The following ATRNL1 variants were observed in gnomAD, a reference collection of about 807,000 sequenced individuals.
ATRNL1 encodes attractin like 1.
ATRNL1 carries 95 observed loss-of-function variants against 182.7 expected under a neutral mutation model. That is an observed-to-expected ratio of 0.52 (90% CI 0.44 to 0.62). The LOEUF (loss-of-function observed/expected upper bound fraction) is 0.62. Ranked by LOEUF, ATRNL1 falls within the 20% of genes least tolerant of loss-of-function variation. ATRNL1 has a pLI of 0.00. For missense variants in ATRNL1, 1,471 were observed against 1,679.5 expected, an observed-to-expected ratio of 0.88 and a Z score of 2.17; for synonymous variants, 576 against 568.3, an observed-to-expected ratio of 1.01 and a Z score of -0.19.
At chr10:115,866,919 G>A (rs949277240) in intron 28 of ATRNL1, among the ~76,000 whole-genome samples, 3 of 152,180 alleles carry the variant, frequency 2.0e-5, no homozygotes, top group Non-Finnish European at 2.9e-5. Flanking sequence ...TTTACATCAT[G>A]TGTGTCACCA....
At chr10:115,843,838 A>G (rs964865787) in intron 27 of ATRNL1, among the ~76,000 whole-genome samples, 1 of 152,046 alleles carries the variant, frequency 6.6e-6, no homozygotes, top group Non-Finnish European at 1.5e-5. Flanking sequence ...CAGTCTTCCT[A>G]CCTATTACAG....
chr10:115,104,129 A>G (rs527436811), intron 1 of ATRNL1, among the ~76,000 whole-genome samples: 1 of 152,200 alleles, frequency 6.6e-6, no homozygotes, highest in East Asian at 1.9e-4. Flanking sequence ...ACTGTTCTGC[A>G]TAGTAGTTAC....
chr10:115,373,792 TC>T (rs1338281051), intron 19 of ATRNL1, among the ~76,000 whole-genome samples: 2 of 151,898 alleles, frequency 1.3e-5, no homozygotes, highest in Non-Finnish European at 2.9e-5. Flanking sequence ...TTGATTTTTT[TC>T]ATCTATGTTT....
intron 27 of ATRNL1, among the ~76,000 whole-genome samples, chr10:115,825,319 A>G (rs1280653719): frequency 2.0e-5 from 3 of 152,134 alleles, no homozygotes; most frequent in African/African-American, 7.2e-5. Context: ...ATTAGGAGAA[A>G]TACCTAAAGT....
chr10:115,769,264 G>T (rs1224759411), intron 27 of ATRNL1, among the ~76,000 whole-genome samples: 1 of 152,120 alleles, frequency 6.6e-6, no homozygotes, highest in East Asian at 1.9e-4. Flanking sequence ...TATTAATCAT[G>T]CATTGCTCCC....
chr10:115,377,357 C>T (rs1857733136), intron 19 of ATRNL1, among the ~76,000 whole-genome samples: 2 of 152,134 alleles, frequency 1.3e-5, no homozygotes, highest in Admixed American at 1.3e-4. Flanking sequence ...TGCCATTCAC[C>T]TTCCACCATG....
chr10:115,828,802 AAAT>A (rs1444905696), intron 27 of ATRNL1, among the ~76,000 whole-genome samples: 1 of 152,190 alleles, frequency 6.6e-6, no homozygotes, highest in Non-Finnish European at 1.5e-5. Context: ...GCGAGTAGTG[AAAT>A]AAGTATGCAT....
intron 8 of ATRNL1, among the ~76,000 whole-genome samples, chr10:115,189,197 CCTA>C (rs1327771843): frequency 6.6e-6 from 1 of 151,910 alleles, no homozygotes. Flanking sequence ...TGTAAACAAA[CCTA>C]CTTCACTGCC....
chr10:115,640,647 A>T (rs1859180378), intron 26 of ATRNL1, among the ~76,000 whole-genome samples: 1 of 152,028 alleles, frequency 6.6e-6, no homozygotes. Flanking sequence ...AAATTTGTTT[A>T]AGTTCCTTGT....
At chr10:115,340,133 T>C (rs1197754523) in intron 19 of ATRNL1, among the ~76,000 whole-genome samples, 2 of 152,170 alleles carry the variant, frequency 1.3e-5, no homozygotes, top group African/African-American at 4.8e-5. Context: ...ACTAGAGATA[T>C]TGGCCTGTAG....
At chr10:115,721,996 A>T (rs947787708) in intron 26 of ATRNL1, among the ~76,000 whole-genome samples, 2 of 152,188 alleles carry the variant, frequency 1.3e-5, no homozygotes, top group Non-Finnish European at 2.9e-5. Flanking sequence ...ATGAAGAAAA[A>T]ATAACTAATC....
intron 5 of ATRNL1, among the ~76,000 whole-genome samples, chr10:115,135,315 G>GCT (rs1327689651): frequency 1.3e-5 from 2 of 152,140 alleles, no homozygotes; most frequent in East Asian, 3.9e-4. Flanking sequence ...ATCTCCTTAA[G>GCT]CTGATAAGCA....
intron 26 of ATRNL1, among the ~76,000 whole-genome samples, chr10:115,638,430 C>A (rs1859032388): frequency 6.6e-6 from 1 of 152,096 alleles, no homozygotes; most frequent in African/African-American, 2.4e-5. Flanking sequence ...AAGCTTGAAC[C>A]TTGCATGCAT....
At chr10:115,690,520 A>T (rs1946356953) in intron 26 of ATRNL1, among the ~76,000 whole-genome samples, 1 of 152,128 alleles carries the variant, frequency 6.6e-6, no homozygotes, top group South Asian at 2.1e-4. Flanking sequence ...GTTTCTAACA[A>T]GCCACGGTCA....
At chr10:115,465,079 A>G (rs1177833187) in intron 22 of ATRNL1, among the ~76,000 whole-genome samples, 2 of 151,796 alleles carry the variant, frequency 1.3e-5, no homozygotes, top group Admixed American at 6.6e-5. Flanking sequence ...TAGAGATTAG[A>G]AAAATGATTT....
intron 26 of ATRNL1, among the ~76,000 whole-genome samples, chr10:115,596,082 C>T (rs1043292025): frequency 1.3e-5 from 2 of 151,958 alleles, no homozygotes; most frequent in South Asian, 2.1e-4. Context: ...TGTTGGTGTT[C>T]GGAAATGTGA....
At chr10:115,239,395 G>A (rs1470397448) in intron 9 of ATRNL1, among the ~76,000 whole-genome samples, 1 of 152,016 alleles carries the variant, frequency 6.6e-6, no homozygotes, top group African/African-American at 2.4e-5. Flanking sequence ...ACCACGCCCA[G>A]CTAATTTTTT....
intron 18 of ATRNL1, among the ~76,000 whole-genome samples, chr10:115,328,015 A>G (rs1855005121): frequency 6.6e-6 from 1 of 152,140 alleles, no homozygotes; most frequent in South Asian, 2.1e-4. Flanking sequence ...GCAGCGCACC[A>G]GCATGGCACA....
intron 19 of ATRNL1, among the ~76,000 whole-genome samples, chr10:115,367,348 G>A (rs1294657001): frequency 4.3e-5 from 6 of 139,040 alleles, no homozygotes; most frequent in African/African-American, 7.8e-5. Flanking sequence ...CGTAGTTCTC[G>A]AGCCTTGGTT....
Sources: allele counts gnomAD v4.1 joint callset (sites outside exome capture counted in the v4.1 genomes callset), GRCh38; gene constraint gnomAD v4.1.1; transcripts MANE v1.5; gene names NCBI Gene and HGNC (gene_info 2026-07-23, HGNC 2026-07-21).